The following NALF1 variants were observed in gnomAD, a reference collection of about 807,000 sequenced individuals.
NALF1 encodes the protein NALCN channel auxiliary factor 1.
A neutral mutation model predicts 48.4 loss-of-function variants in NALF1; 3 were observed. That is an observed-to-expected ratio of 0.06 (90% confidence interval 0.03 to 0.16). The LOEUF (loss-of-function observed/expected upper bound fraction) is 0.16, where lower values mean the gene tolerates loss of function less well. NALF1 is among the 10% of genes least tolerant of loss of function. The pLI, the probability that NALF1 is intolerant of heterozygous loss-of-function variation, is 1.00. For missense variants in NALF1, 526 were observed against 571.5 expected (o/e 0.92, Z 0.81); for synonymous variants, 262 against 245.7 (o/e 1.07, Z -0.62).
intron 1 of NALF1, among the ~76,000 whole-genome samples, chr13:107,801,138 C>T (rs1162747646): frequency 6.6e-6 from 1 of 152,122 alleles, no homozygotes; most frequent in Admixed American, 6.6e-5. Context: ...CACAAAGGTA[C>T]ATCACATAGC....
intron 1 of NALF1, among the ~76,000 whole-genome samples, chr13:107,435,632 A>C (rs1272578100): frequency 6.6e-6 from 1 of 152,192 alleles, no homozygotes; most frequent in Non-Finnish European, 1.5e-5. Context: ...GAGCTTTTTT[A>C]CTTCATTCAA....
At chr13:107,364,776 C>T (rs1340768801) in intron 1 of NALF1, among the ~76,000 whole-genome samples, 1 of 152,006 alleles carries the variant, frequency 6.6e-6, no homozygotes, top group Non-Finnish European at 1.5e-5. Flanking sequence ...ACCCCAAGCT[C>T]GTAAGAGCCT....
chr13:107,581,115 T>G (rs1261246575), intron 1 of NALF1, among the ~76,000 whole-genome samples: 3 of 152,212 alleles, frequency 2.0e-5, no homozygotes, highest in Non-Finnish European at 4.4e-5. Context: ...TTACGTCTCC[T>G]GTTTTGTTCA....
chr13:107,866,135 C>A lies in NALF1; in HGVS notation c.462G>T (p.Lys154Asn). 6.2e-7 allele frequency: 1 copy of A among 1,611,892 alleles called. No homozygotes were observed. The highest frequency in any genetic ancestry group is 8.5e-7 in the Non-Finnish European group (1 of 1,179,520). ...TGGCAGAGTTTCCTAGAAAAAGAGCCTTGCCCCGGTCGTCTTTGCCTCGGT... is the reference window on the plus strand; with the variant it reads ...TGGCAGAGTTTCCTAGAAAAAGAGCATTGCCCCGGTCGTCTTTGCCTCGGT... ...KGNRGKDDRG[K>N]ALFLGNSAKP... Residue 154 changes from lysine (K) to asparagine (N), a missense_variant, in exon 1 of 3, where the codon AAG becomes AAT. This residue lies in a region of NALF1 where 373 missense variants were observed against 355.5 expected (regional missense o/e 1.05). Transcript: ENST00000375915. The surrounding 1 kb of genome is among the most constrained non-coding windows in gnomAD (Gnocchi z 4.4).
intron 1 of NALF1, among the ~76,000 whole-genome samples, chr13:107,320,132 T>C (rs918437909): frequency 1.3e-5 from 2 of 152,112 alleles, no homozygotes; most frequent in Non-Finnish European, 2.9e-5. Flanking sequence ...TTGCTAATTG[T>C]ATGACATATA....
intron 1 of NALF1, among the ~76,000 whole-genome samples, chr13:107,430,130 T>G (rs1286569961): frequency 6.6e-6 from 1 of 152,180 alleles, no homozygotes; most frequent in Non-Finnish European, 1.5e-5. Context: ...TAGAACTTAT[T>G]TATTCATTCA....
At chr13:107,833,646 C>T (rs189113688) in intron 1 of NALF1, among the ~76,000 whole-genome samples, 30 of 152,210 alleles carry the variant, frequency 2.0e-4, no homozygotes, top group African/African-American at 6.0e-4. Context: ...ACTTGACATA[C>T]GAAAGCAATG....
intron 1 of NALF1, among the ~76,000 whole-genome samples, chr13:107,512,254 C>A (rs1566371992): frequency 6.6e-6 from 1 of 152,094 alleles, no homozygotes; most frequent in African/African-American, 2.4e-5. Context: ...ATTAGCCAGG[C>A]GAGGTAGCAC....
intron 1 of NALF1, among the ~76,000 whole-genome samples, chr13:107,663,379 A>G (rs1880776564): frequency 6.6e-6 from 1 of 152,188 alleles, no homozygotes; most frequent in Non-Finnish European, 1.5e-5. Flanking sequence ...AAAGACCTTT[A>G]GAAGGTATGT....
chr13:107,834,652 G>C (rs1879838060), intron 1 of NALF1, among the ~76,000 whole-genome samples: 1 of 152,052 alleles, frequency 6.6e-6, no homozygotes. Context: ...TTTTTTACAA[G>C]AAAAAATAGA....
chr13:107,713,492 T>C (rs533835338), intron 1 of NALF1, among the ~76,000 whole-genome samples: 50 of 152,334 alleles, frequency 3.3e-4, no homozygotes, highest in Non-Finnish European at 5.6e-4. Context: ...ACAATAGCAT[T>C]GTATGGTGGA....
chr13:107,360,438 A>G (rs929938523), intron 1 of NALF1, among the ~76,000 whole-genome samples: 4 of 152,188 alleles, frequency 2.6e-5, no homozygotes, highest in African/African-American at 9.6e-5. Flanking sequence ...TCACATCATG[A>G]AAATTGGTGG....
rs559729336 is a variant in NALF1, at chr13:107,319,800, C to T, written c.916-109045G>A. On this transcript the variant is annotated intron_variant, in intron 1 of 2. Transcript: ENST00000375915. ...CCACTGCCTGTACATTTAGCCACTA[C>T]ATTCTACCTCCCCTCAGACTCCCCT... 4.9e-4 allele frequency among the ~76,000 whole-genome samples: 75 copies of T among 152,200 alleles called. 1 individual carries two copies. The highest frequency in any genetic ancestry group is 1.7e-3 in the African/African-American group (72 of 41,556).
rs116307069 is a variant in NALF1 at position 107,442,174 on chromosome 13, G to A, written c.916-231419C>T. 2.5e-3 allele frequency among the ~76,000 whole-genome samples: 376 copies of A among 152,078 alleles called. 1 individual carries two copies. The highest frequency in any genetic ancestry group is 8.7e-3 in the African/African-American group (362 of 41,498). On this transcript the variant is annotated intron_variant, in intron 1 of 2. Coordinates refer to ENST00000375915, the MANE Select transcript of NALF1 (RefSeq NM_001080396.3). ...AAAGTGTTACCTGAAAAACTCGTTA[G>A]GAGAAAGAGGGAGAGAGAGGGAGAG...
At chr13:107,662,377 A>G (rs937365872) in intron 1 of NALF1, among the ~76,000 whole-genome samples, 2 of 152,242 alleles carry the variant, frequency 1.3e-5, no homozygotes, top group Admixed American at 1.3e-4. Context: ...CCAATAAAGT[A>G]TATCATCTAC....
At chr13:107,245,818 C>A (rs1421836004) in intron 1 of NALF1, among the ~76,000 whole-genome samples, 1 of 152,160 alleles carries the variant, frequency 6.6e-6, no homozygotes, top group East Asian at 1.9e-4. Flanking sequence ...TGTCACTTCA[C>A]TGTAGATGAC....
At chr13:107,752,916 T>C (rs774842815) in intron 1 of NALF1, among the ~76,000 whole-genome samples, 2 of 152,220 alleles carry the variant, frequency 1.3e-5, no homozygotes, top group Non-Finnish European at 2.9e-5. Context: ...AACCATGCTT[T>C]TGATCACTCT....
At chr13:107,450,252 G>A (rs1410288592) in intron 1 of NALF1, among the ~76,000 whole-genome samples, 1 of 151,958 alleles carries the variant, frequency 6.6e-6, no homozygotes, top group Non-Finnish European at 1.5e-5. Flanking sequence ...AAAACAAAAG[G>A]GAGGAATTGA....
chr13:107,471,846 C>T (rs1334114211), intron 1 of NALF1, among the ~76,000 whole-genome samples: 1 of 152,180 alleles, frequency 6.6e-6, no homozygotes, highest in Non-Finnish European at 1.5e-5. Context: ...TATGACATCT[C>T]ATCCCAATGT....
Sources: allele counts gnomAD v4.1 joint callset (sites outside exome capture counted in the v4.1 genomes callset), GRCh38; gene constraint gnomAD v4.1.1; regional missense constraint gnomAD v4.1.1; non-coding constraint Gnocchi (gnomAD v3.1); transcripts MANE v1.5; gene names NCBI Gene and HGNC (gene_info 2026-07-23, HGNC 2026-07-21).